Variants in SLC6A12 observed in about 807,000 individuals in gnomAD.
The protein encoded by SLC6A12 is sodium- and chloride-dependent betaine transporter.
In SLC6A12, 50 loss-of-function variants were observed where a neutral mutation model predicts 73.3. The ratio of observed to expected loss-of-function variants is 0.68; its 90% CI spans 0.54 to 0.86. The LOEUF (loss-of-function observed/expected upper bound fraction) is 0.86. Among genes scored for constraint, SLC6A12 ranks in the 40% least tolerant of loss-of-function variants. The pLI, the probability that SLC6A12 is intolerant of heterozygous loss-of-function variation, is 0.00. For synonymous variants in SLC6A12, 304 were observed against 309.2 expected (o/e 0.98, Z 0.18); for missense variants, 648 against 772.8 (o/e 0.84, Z 1.92).
At chr12:187,589 C>CAAAAGAGCA (rs1939453849), downstream of SLC6A12, among the ~76,000 whole-genome samples, 5 of 106,052 alleles carry the variant, frequency 4.7e-5, no homozygotes, top group African/African-American at 2.7e-4. Context: ...TGCAAAAGAG[C>CAAAAGAGCA]AAAAAAAAAA....
downstream of SLC6A12, among the ~76,000 whole-genome samples, chr12:185,492 C>G (rs751985627): frequency 2.6e-5 from 4 of 152,208 alleles, no homozygotes; most frequent in Admixed American, 1.3e-4. Flanking sequence ...CAGCCACCCT[C>G]TGTGTGTTAG....
chr12:197,053 C>T (rs1939904815), intron 10 of SLC6A12, among the ~76,000 whole-genome samples, 171 bp from the exon 11 acceptor site: 1 of 151,514 alleles, frequency 6.6e-6, no homozygotes, highest in Admixed American at 6.6e-5. Flanking sequence ...TACCATTCAT[C>T]CATCCATCCA....
chr12:187,615 A>G (rs1361718632), downstream of SLC6A12, among the ~76,000 whole-genome samples: 1 of 15,536 alleles, frequency 6.4e-5, no homozygotes, highest in Non-Finnish European at 5.5e-4. Flanking sequence ...AAAAAAAAAA[A>G]AAAAAAAAAA....
At position 202,895 on chromosome 12, in the gene SLC6A12, G is replaced by GA; in HGVS notation, c.350-16dup. 1 of 1,613,036 alleles carries GA rather than the reference G, an allele frequency of 6.2e-7. No homozygotes were observed. The highest frequency in any genetic ancestry group is 8.5e-7 in the Non-Finnish European group (1 of 1,179,368). On this transcript the variant is annotated splice_polypyrimidine_tract_variant and intron_variant, in intron 4 of 15. Transcript: ENST00000684302. ...CAGACCAATGCCTTCCAGAGTGGGGGAGAGATGGGGAGGGACAAGAGAGAT... is the reference window on the plus strand; with the variant it reads ...CAGACCAATGCCTTCCAGAGTGGGGGAAGAGATGGGGAGGGACAAGAGAGAT...
At position 195,222 on chromosome 12, in the gene SLC6A12, C is replaced by T. The variant is rs376947499; in HGVS notation, c.1429+3G>A. 4 of 1,565,004 alleles carry T rather than the reference C, an allele frequency of 2.6e-6. No individual in the cohort carries two copies. In the African/African-American group the frequency reaches 5.4e-5, roughly 21 times the overall value. On this transcript the variant is annotated splice_donor_region_variant and intron_variant, in intron 13 of 15. Coordinates refer to ENST00000684302, the MANE Select transcript of SLC6A12 (RefSeq NM_001122848.3). ...CTTTCCCACCCCACTCCACCCCACT[C>T]ACCATACACCCAGCTTATGCAGACC...
chr12:205,066 C>A (rs1940556811), intron 3 of SLC6A12: 1 of 198,150 alleles, frequency 5.0e-6, no homozygotes, highest in Non-Finnish European at 1.0e-5. Flanking sequence ...TTATTAAACT[C>A]TTGGTACATT....
At chr12:192,084 G>A (rs1303216427) in intron 15 of SLC6A12, among the ~76,000 whole-genome samples, 1 of 152,246 alleles carries the variant, frequency 6.6e-6, no homozygotes. Context: ...CCAGGAGCCT[G>A]TGTGTGGAGT....
intron 7 of SLC6A12, 150 bp from the exon 8 acceptor site, chr12:199,081 C>T (rs975825755): frequency 1.5e-6 from 1 of 661,382 alleles, no homozygotes; most frequent in African/African-American, 1.8e-5. Flanking sequence ...TTCCACACCT[C>T]CCTTTACACA....
chr12:191,773 G>C (rs1738441258), intron 15 of SLC6A12, among the ~76,000 whole-genome samples: 1 of 152,140 alleles, frequency 6.6e-6, no homozygotes, highest in African/African-American at 2.4e-5. Flanking sequence ...TAAACGTGAT[G>C]ATGAAAACAC....
chr12:191,047 C>A lies in SLC6A12; in HGVS notation c.*21G>T, dbSNP rs766681014. The A allele has an allele frequency of 6.1e-6, 8 of 1,301,016 alleles. No individual in the cohort carries two copies. Among genetic ancestry groups the A allele is most frequent in the Non-Finnish European group, 7.9e-6 (8 of 1,014,790 alleles). The allele number at this position is 1,301,016 out of a possible 1,614,324, so 80.6% of individuals were successfully genotyped here. ...TGACCTAGGTTCCCGGCTTAGGAGC[C>A]GCCTGGCCTCTGGCCACACCCTACA... is the stretch of plus-strand genomic sequence containing the variant. On this transcript the variant is annotated 3_prime_UTR_variant, in exon 16 of 16. Coordinates refer to ENST00000684302, the MANE Select transcript of SLC6A12 (RefSeq NM_001122848.3).
Position 191,075 on chromosome 12 carries a change from TG to T in SLC6A12, c.1837del (p.His613IlefsTer58). 7.5e-7 allele frequency: 1 copy of T among 1,326,416 alleles called. No individual in the cohort carries two copies. Among genetic ancestry groups the T allele is most frequent in the Non-Finnish European group, 9.7e-7 (1 of 1,027,298 alleles). The allele number at this position is 1,326,416 out of a possible 1,614,324, so 82.2% of individuals were successfully genotyped here. On this transcript the variant is annotated frameshift_variant, in exon 16 of 16. Transcript: ENST00000684302. LOFTEE classifies it high-confidence loss of function. ...CTGGCCTCTGGCCACACCCTACAAA[TG>T]GGTCTCCTTCTCCCCGGCTATCAGT... is the stretch of plus-strand genomic sequence containing the variant. ...EGLIAGEKET[H>X]L is the part of the protein sequence containing the mutation.
Position 198,644 on chromosome 12 carries a change from C to T in SLC6A12, c.846+153G>A. ...GAATTACAAGAGATTTTTTTAGTTT[C>T]TTTTTTATAGCTTTCTTCCATATTT... On this transcript the variant is annotated intron_variant, in intron 8 of 15. Transcript: ENST00000684302. The surrounding 1 kb of genome is among the most constrained non-coding windows in gnomAD (Gnocchi z 4.0). 1.4e-6 allele frequency: 1 copy of T among 691,522 alleles called. No individual in the cohort carries two copies. Among genetic ancestry groups the T allele is most frequent in the Non-Finnish European group, 2.3e-6 (1 of 427,768 alleles). The allele number at this position is 691,522 out of a possible 1,614,324, so 42.8% of individuals were successfully genotyped here.
chr12:200,664 T>A lies in SLC6A12; in HGVS notation c.698A>T (p.Lys233Met). ...AGGACATCTCACCTTGCCTGTGGAC[T>A]TGACCCCCTTCCAGATGCAGAAATA... ...ICYFCIWKGV[K>M]STGKVVYFTA... The change falls in exon 7 of 16, where the codon AAG (lysine) becomes ATG (methionine). Residue 233 changes from lysine (K) to methionine (M), a missense_variant. Coordinates refer to ENST00000684302, the MANE Select transcript of SLC6A12 (RefSeq NM_001122848.3). 1 of 1,614,110 alleles carries A rather than the reference T, an allele frequency of 6.2e-7. No individual in the cohort carries two copies. The highest frequency in any genetic ancestry group is 8.5e-7 in the Non-Finnish European group (1 of 1,179,996).
At chr12:196,391 A>G in intron 11 of SLC6A12, 130 bp from the exon 12 acceptor site, 1 of 1,181,622 alleles carries the variant, frequency 8.5e-7, no homozygotes, top group Non-Finnish European at 1.2e-6. Flanking sequence ...AAGGGAAGAA[A>G]TGGGGGTGCC....
intron 3 of SLC6A12, among the ~76,000 whole-genome samples, chr12:207,610 T>C (rs1257262390): frequency 6.6e-6 from 1 of 152,210 alleles, no homozygotes; most frequent in African/African-American, 2.4e-5. Flanking sequence ...GGCCTTATGG[T>C]CAGCTTGATA....
chr12:210,552 C>T (rs927612650), intron 2 of SLC6A12: 3 of 226,108 alleles, frequency 1.3e-5, no homozygotes, highest in Non-Finnish European at 2.2e-5. Context: ...AACAGGGGAG[C>T]CAGCAGCTCT....
At chr12:202,133 T>C (rs188609) in intron 5 of SLC6A12, among the ~76,000 whole-genome samples, 92,984 of 151,920 alleles carry the variant, frequency 0.61, 29,715 homozygotes, top group African/African-American at 0.79. Context: ...TGGTACGGAA[T>C]GCACTCTCCC....
chr12:187,589 C>CAAAAAAAAAAAAA (rs761187495), downstream of SLC6A12, among the ~76,000 whole-genome samples: 118 of 106,024 alleles, frequency 1.1e-3, 3 homozygotes, highest in Non-Finnish European at 1.4e-3. Flanking sequence ...TGCAAAAGAG[C>CAAAAAAAAAAAAA]AAAAAAAAAA....
At position 196,770 on chromosome 12, in the gene SLC6A12, C is replaced by A; in HGVS notation, c.1188G>T (p.Gln396His). The change falls in exon 11 of 16, where the codon CAG (glutamine) becomes CAT (histidine). Residue 396 changes from glutamine to histidine, a missense_variant and splice_region_variant. Physicochemically the swap from Gln to His is conservative, Grantham distance 24. Coordinates refer to ENST00000684302, the MANE Select transcript of SLC6A12 (RefSeq NM_001122848.3). ...IMLIFLGLDSQFVCVECLVTA... is the reference protein window; with the variant it reads ...IMLIFLGLDSHFVCVECLVTA... ...GGCAGGCTGGGCTGCAGTGACGTAC[C>A]TGGCTGTCCAGCCCTAGGAATATGA... The A allele has an allele frequency of 6.2e-7, 1 of 1,607,322 alleles. No individual in the cohort carries two copies. The highest frequency in any genetic ancestry group is 1.1e-5 in the South Asian group (1 of 90,886).
Sources: gnomAD v4.1 joint callset for allele counts (sites outside exome capture counted in the v4.1 genomes callset) on GRCh38, gnomAD v4.1.1 for gene constraint, Gnocchi (gnomAD v3.1) non-coding constraint, MANE v1.5 for transcripts, NCBI Gene and HGNC (gene_info 2026-07-23, HGNC 2026-07-21) for gene names.